Variants in USP16 observed in about 807,000 individuals in gnomAD.
USP16 encodes the protein ubiquitin carboxyl-terminal hydrolase 16.
In USP16, 77 loss-of-function variants were observed where a neutral mutation model predicts 95.9. The observed-to-expected ratio is 0.80, with a 90% confidence interval of 0.67 to 0.97. The LOEUF (loss-of-function observed/expected upper bound fraction) is 0.97. Ranked by LOEUF, USP16 falls within the 50% of genes least tolerant of loss-of-function variation. The pLI is 0.00. For missense variants in USP16, 943 were observed against 959.9 expected, an observed-to-expected ratio of 0.98 and a Z score of 0.23; for synonymous variants, 303 against 318.2, an observed-to-expected ratio of 0.95 and a Z score of 0.51.
Position 29,050,181 on chromosome 21 carries a change from A to G in USP16, c.2193+3A>G, listed in dbSNP as rs765516642. 1.4e-5 allele frequency: 22 copies of G among 1,611,898 alleles called. No homozygotes were observed. In the South Asian group the frequency reaches 2.4e-4, roughly 18 times the overall value. On this transcript the variant is annotated splice_donor_region_variant and intron_variant, in intron 16 of 17. Transcript: ENST00000399976. ...CTTTTTGCACCCTTAAATGTAAGGT[A>G]AGTCAAAGTGGTCTTTTTCAGGAAA...
At chr21:29,034,132 C>T (rs1161652222) in intron 3 of USP16, among the ~76,000 whole-genome samples, 2 of 151,974 alleles carry the variant, frequency 1.3e-5, no homozygotes, top group Non-Finnish European at 2.9e-5. Flanking sequence ...ATGAACAGAG[C>T]TTTGTTTTAG....
rs373949018 is a variant in USP16, at chr21:29,048,786, T to C, written c.2037T>C (p.Asn679=). 1 of 1,613,834 alleles carries C rather than the reference T, an allele frequency of 6.2e-7. No homozygotes were observed. Among genetic ancestry groups the C allele is most frequent in the Non-Finnish European group, 8.5e-7 (1 of 1,179,920 alleles). The change falls in exon 15 of 18, where the codon AAT becomes AAC. Residue 679 remains asparagine (N), a synonymous_variant. Coordinates refer to ENST00000399976, the MANE Select transcript of USP16 (RefSeq NM_006447.3). ...GTGAAAGGAAGCATGTTTACACCAATGCCAAAAAGCAGATGCTAATTTCTC... is the reference window on the plus strand; with the variant it reads ...GTGAAAGGAAGCATGTTTACACCAACGCCAAAAAGCAGATGCTAATTTCTC... ...IKGERKHVYT[N]AKKQMLISLA...
chr21:29,042,892 G>T (rs1040446501), intron 12 of USP16: 13 of 167,132 alleles, frequency 7.8e-5, no homozygotes, highest in Non-Finnish European at 1.5e-4. Context: ...GTTTTAATTT[G>T]GTTCCTTTTA....
In USP16 at chr21:29,054,172, TGA is replaced by T. The variant is rs1424192234; in HGVS notation, c.2462_2463del (p.Arg821AsnfsTer19). On this transcript the variant is annotated frameshift_variant, in exon 18 of 18. Coordinates refer to ENST00000399976, the MANE Select transcript of USP16 (RefSeq NM_006447.3). LOFTEE classifies it high-confidence loss of function. ...ACTCACAAGCGTACCTCCTATTTTATGAGAGAATACTGTAATAATATCAAAAG... is the reference window on the plus strand; with the variant it reads ...ACTCACAAGCGTACCTCCTATTTTATGAGAATACTGTAATAATATCAAAAG... ...LNSQAYLLFY[E>X]RIL 16 of 1,613,930 alleles carry T rather than the reference TGA, an allele frequency of 9.9e-6. No individual in the cohort carries two copies. The highest frequency in any genetic ancestry group is 1.3e-5 in the Non-Finnish European group (15 of 1,179,914).
At position 29,040,707 on chromosome 21, in the gene USP16, A is replaced by C; in HGVS notation, c.1030+20A>C. The C allele has an allele frequency of 7.4e-7, 1 of 1,350,994 alleles. No individual in the cohort carries two copies. The highest frequency in any genetic ancestry group is 1.0e-6 in the Non-Finnish European group (1 of 963,460). 83.7% of individuals were successfully genotyped at this position (1,350,994 alleles called of 1,614,324 possible). The stretch of plus-strand genomic sequence containing the variant: ...TTAAAGGTAATGTCTGACTTTTTGA[A>C]CTAAAACACTATAGTTGAATTCCTC... On this transcript the variant is annotated intron_variant, in intron 10 of 17. Coordinates refer to ENST00000399976, the MANE Select transcript of USP16 (RefSeq NM_006447.3).
chr21:29,047,379 C>T, intron 14 of USP16, 58 bp downstream of exon 14: 2 of 1,516,654 alleles, frequency 1.3e-6, no homozygotes, highest in Non-Finnish European at 1.8e-6. Flanking sequence ...TTTTGCACTG[C>T]ATAGGTAGAG....
intron 3 of USP16, among the ~76,000 whole-genome samples, chr21:29,031,481 C>G (rs2085075646): frequency 3.3e-5 from 5 of 152,190 alleles, no homozygotes; most frequent in African/African-American, 1.2e-4. Context: ...CTCTGTCACC[C>G]AGGCTGGAGT....
intron 13 of USP16, among the ~76,000 whole-genome samples, chr21:29,044,837 T>C (rs2085300088): frequency 6.6e-6 from 1 of 152,140 alleles, no homozygotes; most frequent in Non-Finnish European, 1.5e-5. Flanking sequence ...CATTTCTCTA[T>C]TGATTTAGGT....
rs750222548 is a variant in USP16, at chr21:29,034,961, C to T, written c.344+21C>T. 1.1e-5 allele frequency: 17 copies of T among 1,585,144 alleles called. 1 individual carries two copies. The South Asian group carries it at 1.6e-4, about 15-fold the overall frequency. On this transcript the variant is annotated intron_variant, in intron 4 of 17. Coordinates refer to ENST00000399976, the MANE Select transcript of USP16 (RefSeq NM_006447.3). ...GTATGGTGAGTTTCAGTTCCTCTGC[C>T]TCTTGGGTGGAAATTATTTGAAATA...
Position 29,043,437 on chromosome 21 carries a change from T to A in USP16, c.1194T>A (p.Ser398Arg). The A allele has an allele frequency of 1.3e-6, 2 of 1,538,882 alleles. No individual in the cohort carries two copies. Among genetic ancestry groups the A allele is most frequent in the Non-Finnish European group, 1.7e-6 (2 of 1,150,388 alleles). Residue 398 changes from serine (S) to arginine (R), a missense_variant, in exon 13 of 18, where the codon AGT (serine) becomes AGA (arginine). By Grantham distance (110) the Ser-to-Arg change is moderately radical (BLOSUM62 -1). Coordinates refer to ENST00000399976, the MANE Select transcript of USP16 (RefSeq NM_006447.3). ...PVLDDQSGKKSVNDKNLKKTV... is the reference protein window; with the variant it reads ...PVLDDQSGKKRVNDKNLKKTV... ...TATATTTTAAGAGTGGTAAGAAAAG[T>A]GTAAATGATAAAAATCTGAAAAAGA...
chr21:29,036,475 C>T, intron 5 of USP16, 101 bp downstream of exon 5: 1 of 1,115,816 alleles, frequency 9.0e-7, no homozygotes, highest in Non-Finnish European at 1.3e-6. Flanking sequence ...AGCTGAGTAA[C>T]ATTAGTTATG....
At chr21:29,045,996 G>A (rs1226152969) in intron 13 of USP16, among the ~76,000 whole-genome samples, 1 of 152,028 alleles carries the variant, frequency 6.6e-6, no homozygotes, top group Non-Finnish European at 1.5e-5. Flanking sequence ...GCTAATTTTT[G>A]TATTTTTAGT....
chr21:29,036,447 C>A, intron 5 of USP16, 73 bp downstream of exon 5: 1 of 1,368,152 alleles, frequency 7.3e-7, no homozygotes. Flanking sequence ...ATTTGTTATA[C>A]TACCTAGCAT....
chr21:29,028,119 TCTA>T lies in USP16; in HGVS notation c.61+148_61+150del, dbSNP rs531689980. 2.1e-4 allele frequency: 136 copies of T among 633,692 alleles called. No individual in the cohort carries two copies. In the African/African-American group the frequency reaches 2.4e-3, roughly 11 times the overall value. The allele number at this position is 633,692 out of a possible 1,614,324, so 39.3% of individuals were successfully genotyped here. Reference sequence around the variant, plus strand: ...GTATCTATATGTCATTTAATAGTCTTCTACTTTTTTTTTTTTTTTTGAGAAAGA... The same window carrying T: ...GTATCTATATGTCATTTAATAGTCTTCTTTTTTTTTTTTTTTTGAGAAAGA... On this transcript the variant is annotated intron_variant, in intron 2 of 17. Coordinates refer to ENST00000399976, the MANE Select transcript of USP16 (RefSeq NM_006447.3).
At chr21:29,045,452 G>T (rs1205838223) in intron 13 of USP16, among the ~76,000 whole-genome samples, 4 of 152,174 alleles carry the variant, frequency 2.6e-5, no homozygotes, top group Admixed American at 2.6e-4. Flanking sequence ...TGTATGTGTG[G>T]CTACCTTGCT....
At chr21:29,032,863 A>G (rs2085097609) in intron 3 of USP16, among the ~76,000 whole-genome samples, 1 of 152,110 alleles carries the variant, frequency 6.6e-6, no homozygotes, top group Non-Finnish European at 1.5e-5. Flanking sequence ...GTTTTTTCAC[A>G]GTGACTCTAC....
chr21:29,042,075 A>G lies in USP16; in HGVS notation c.1093A>G (p.Ser365Gly), dbSNP rs2085252419. The G allele has an allele frequency of 4.3e-6, 7 of 1,613,292 alleles. No individual in the cohort carries two copies. The highest frequency in any genetic ancestry group is 5.1e-6 in the Non-Finnish European group (6 of 1,179,608). Residue 365 changes from serine to glycine, a missense_variant, in exon 11 of 18, where the codon AGT (serine) becomes GGT (glycine). Coordinates refer to ENST00000399976, the MANE Select transcript of USP16 (RefSeq NM_006447.3). Reference protein sequence around the residue: ...VDRIFGGELTSMIMCDQCRTV... With the variant: ...VDRIFGGELTGMIMCDQCRTV... ...CCGCATCTTTGGTGGTGAACTAACT[A>G]GTATGATCATGTGTGATCAATGCAG...
intron 13 of USP16, among the ~76,000 whole-genome samples, chr21:29,044,342 T>G (rs2085290451): frequency 6.6e-6 from 1 of 150,376 alleles, no homozygotes; most frequent in South Asian, 2.1e-4. Context: ...GCAGTCTTGG[T>G]TTTTTTCCCC....
At chr21:29,027,825 A>G in intron 1 of USP16, 48 bp from the exon 2 acceptor site, 1 of 1,342,232 alleles carries the variant, frequency 7.5e-7, no homozygotes. Flanking sequence ...AGAGAAATAT[A>G]AGACATACTT....
Sources: allele counts gnomAD v4.1 joint callset (sites outside exome capture counted in the v4.1 genomes callset), GRCh38; gene constraint gnomAD v4.1.1; transcripts MANE v1.5; gene names NCBI Gene and HGNC (gene_info 2026-07-23, HGNC 2026-07-21).